The following ITPR2 variants were observed in gnomAD, a reference collection of about 807,000 sequenced individuals.
The protein encoded by ITPR2 is inositol 1,4,5-trisphosphate receptor type 2, also known as inositol 1,4,5-trisphosphate-gated calcium channel ITPR2.
ITPR2 carries 207 observed loss-of-function variants against 317.1 expected under a neutral mutation model. The ratio of observed to expected loss-of-function variants is 0.65; its 90% confidence interval spans 0.58 to 0.73. The LOEUF (loss-of-function observed/expected upper bound fraction) is 0.73, where lower values mean the gene tolerates loss of function less well. Among genes scored for constraint, ITPR2 ranks in the 30% least tolerant of loss-of-function variants. ITPR2 has a pLI of 0.00. For missense variants in ITPR2, 2,613 were observed against 3,284.0 expected, an observed-to-expected ratio of 0.80 and a Z score of 4.99; for synonymous variants, 1,156 against 1,149.1, an observed-to-expected ratio of 1.01 and a Z score of -0.12.
intron 2 of ITPR2, among the ~76,000 whole-genome samples, chr12:26,782,029 TATATGTATAGAGAGAGAGAGAG>T (rs1565760027): frequency 8.3e-5 from 2 of 24,122 alleles, no homozygotes; most frequent in East Asian, 1.4e-3. Context: ...TATATATATA[TATATGTATAGAGAGAGAGAGAG>T]AGAGAGAGAG....
chr12:26,501,458 A>G (rs1456632026), intron 37 of ITPR2, among the ~76,000 whole-genome samples: 1 of 152,184 alleles, frequency 6.6e-6, no homozygotes, highest in African/African-American at 2.4e-5. Context: ...TCATTTGAAC[A>G]TCTTAGTCTC....
rs753489499 is a variant in ITPR2, at chr12:26,655,824, T to A, written c.2473A>T (p.Asn825Tyr). Reference sequence around the variant, plus strand: ...AGGGCAAATTTCCTCTTCATATCATTTCTGGAAGAGTCTGTTATAGAATCA... The same window carrying A: ...AGGGCAAATTTCCTCTTCATATCATATCTGGAAGAGTCTGTTATAGAATCA... ...EYDSITDSSR[N>Y]DMKRKFALTM... The change falls in exon 20 of 57, where the codon AAT becomes TAT. Residue 825 changes from asparagine (N) to tyrosine (Y), a missense_variant. Coordinates refer to ENST00000381340, the MANE Select transcript of ITPR2 (RefSeq NM_002223.4). 2 of 1,611,764 alleles carry A rather than the reference T, an allele frequency of 1.2e-6. No homozygotes were observed. Among genetic ancestry groups the A allele is most frequent in the Non-Finnish European group, 1.7e-6 (2 of 1,178,694 alleles).
At chr12:26,366,835 T>C (rs1565490373) in intron 55 of ITPR2, among the ~76,000 whole-genome samples, 1 of 152,160 alleles carries the variant, frequency 6.6e-6, no homozygotes, top group Non-Finnish European at 1.5e-5. Context: ...TCTGGTTCTC[T>C]AAAAACAACA....
intron 37 of ITPR2, among the ~76,000 whole-genome samples, chr12:26,518,094 C>T (rs763148358): frequency 8.5e-5 from 13 of 152,120 alleles, no homozygotes; most frequent in Non-Finnish European, 4.4e-5. Flanking sequence ...ACACCATTCA[C>T]AATTGCACAG....
intron 1 of ITPR2, among the ~76,000 whole-genome samples, chr12:26,813,036 A>T (rs1673322552): frequency 6.6e-6 from 1 of 152,262 alleles, no homozygotes; most frequent in Non-Finnish European, 1.5e-5. Context: ...GACTTTTAAG[A>T]ATGCAAAAAG....
At chr12:26,649,762 GGATA>G (rs1192269937) in intron 21 of ITPR2, among the ~76,000 whole-genome samples, 3 of 149,600 alleles carry the variant, frequency 2.0e-5, no homozygotes, top group Middle Eastern at 3.2e-3. Context: ...AGATGTTACA[GGATA>G]GATAGACTAG....
intron 55 of ITPR2, among the ~76,000 whole-genome samples, chr12:26,362,666 C>T (rs1012756995): frequency 6.6e-6 from 1 of 152,200 alleles, no homozygotes; most frequent in African/African-American, 2.4e-5. Flanking sequence ...TGCTCTTCTG[C>T]TCAAACACCA....
chr12:26,666,048 A>G lies in ITPR2; in HGVS notation c.1413T>C (p.Phe471=). The G allele has an allele frequency of 6.2e-7, 1 of 1,608,036 alleles. No individual in the cohort carries two copies. Among genetic ancestry groups the G allele is most frequent in the Non-Finnish European group, 8.5e-7 (1 of 1,178,258 alleles). Residue 471 remains phenylalanine (F), a synonymous_variant, in exon 14 of 57, where the codon TTT becomes TTC. Coordinates refer to ENST00000381340, the MANE Select transcript of ITPR2 (RefSeq NM_002223.4). ...TGAGATCTTCCAATAATTTGGTTAC[A>G]AACCTATTACAAAATGAAAAGGAAA... The part of the protein sequence containing the change: ...NGTITQNERR[F]VTKLLEDLIF...
rs185499591 is a variant in ITPR2 at position 26,467,449 on chromosome 12, G to C, written c.6342+7847C>G. Among the ~76,000 whole-genome samples, 289 of 151,936 alleles carry C rather than the reference G, an allele frequency of 1.9e-3. 1 individual carries two copies. Among genetic ancestry groups the C allele is most frequent in the South Asian group, 0.012 (58 of 4,814 alleles). The stretch of plus-strand genomic sequence containing the variant: ...ATTAGGGATAAGCTAAAAATTCAAG[G>C]GTCTGAAATATACTAGGAAGTGCTA... On this transcript the variant is annotated intron_variant, in intron 45 of 56. Transcript: ENST00000381340.
intron 33 of ITPR2, 90 bp downstream of exon 33, chr12:26,579,937 T>C: frequency 1.1e-6 from 1 of 947,224 alleles, no homozygotes; most frequent in Non-Finnish European, 1.6e-6. Context: ...ATCTGAAGTG[T>C]AGGAGATGAC....
At chr12:26,747,731 T>C (rs755829940) in intron 2 of ITPR2, among the ~76,000 whole-genome samples, 10 of 152,216 alleles carry the variant, frequency 6.6e-5, no homozygotes, top group Non-Finnish European at 1.0e-4. Flanking sequence ...ATGGTTCAGG[T>C]TCTTCCAACA....
rs1453017309 is a variant in ITPR2 at position 26,602,366 on chromosome 12, T to C, written c.3678+4A>G. The C allele has an allele frequency of 6.2e-7, 1 of 1,609,604 alleles. No homozygotes were observed. The highest frequency in any genetic ancestry group is 8.5e-7 in the Non-Finnish European group (1 of 1,178,574). On this transcript the variant is annotated splice_donor_region_variant and intron_variant, in intron 28 of 56. Transcript: ENST00000381340. Reference sequence around the variant, plus strand: ...CTAAAGAACAAAAAATAACCAGGACTAACCTTTTCATAGGGTATCTGCAGA... The same window carrying C: ...CTAAAGAACAAAAAATAACCAGGACCAACCTTTTCATAGGGTATCTGCAGA...
In ITPR2 at chr12:26,671,651, A is replaced by G. The variant is rs535653122; in HGVS notation, c.1410-5600T>C. ...AAGAAACTGCATCAACTAACGAGCAAAATAACTAGCTAACATCATAATGAC... is the reference window on the plus strand; with the variant it reads ...AAGAAACTGCATCAACTAACGAGCAGAATAACTAGCTAACATCATAATGAC... On this transcript the variant is annotated intron_variant, in intron 13 of 56. Transcript: ENST00000381340. Among the ~76,000 whole-genome samples, 769 of 152,352 alleles carry G rather than the reference A, an allele frequency of 5.0e-3. 3 individuals are homozygous for G. Among genetic ancestry groups the G allele is most frequent in the African/African-American group, 8.3e-3 (345 of 41,584 alleles).
chr12:26,373,676 T>C (rs1039633960), intron 55 of ITPR2: 9 of 152,222 alleles, frequency 5.9e-5, no homozygotes, highest in African/African-American at 2.2e-4. Flanking sequence ...GGCCCAACTC[T>C]GCTTAGCTTC....
chr12:26,488,864 A>G (rs906992676), intron 39 of ITPR2, among the ~76,000 whole-genome samples: 6 of 152,182 alleles, frequency 3.9e-5, no homozygotes, highest in African/African-American at 1.2e-4. Context: ...GATACTTTCA[A>G]TTCAACAGTG....
chr12:26,405,917 C>T (rs1405706294), intron 52 of ITPR2, among the ~76,000 whole-genome samples: 11 of 152,078 alleles, frequency 7.2e-5, no homozygotes, highest in Non-Finnish European at 1.5e-4. Flanking sequence ...GAGATTGTGC[C>T]ATTGCACTCC....
At chr12:26,772,518 CATTATTATATATAATACATGTATTATAT>C (rs1565752269) in intron 2 of ITPR2, among the ~76,000 whole-genome samples, 49 of 75,576 alleles carry the variant, frequency 6.5e-4, no homozygotes, top group African/African-American at 1.5e-3. Flanking sequence ...ATATATAATA[CATTATTATATATAATACATGTATTATAT>C]ATATAATACA....
At chr12:26,775,938 A>ATATG (rs1949956502) in intron 2 of ITPR2, among the ~76,000 whole-genome samples, 1 of 144,734 alleles carries the variant, frequency 6.9e-6, no homozygotes, top group Non-Finnish European at 1.5e-5. Flanking sequence ...CTTTACATAT[A>ATATG]TATATATATG....
intron 15 of ITPR2, among the ~76,000 whole-genome samples, chr12:26,662,385 G>T (rs1293640177): frequency 6.6e-6 from 1 of 152,116 alleles, no homozygotes; most frequent in African/African-American, 2.4e-5. Context: ...TTACAACTGA[G>T]CCTGGTACAA....
Sources: allele counts gnomAD v4.1 joint callset (sites outside exome capture counted in the v4.1 genomes callset), GRCh38; gene constraint gnomAD v4.1.1; transcripts MANE v1.5; gene names NCBI Gene and HGNC (gene_info 2026-07-23, HGNC 2026-07-21).